KDM6A: variants seen among roughly 807,000 people sequenced by gnomAD.
KDM6A encodes lysine-specific demethylase 6A.
A neutral mutation model predicts 117.6 loss-of-function variants in KDM6A; 11 were observed. The ratio of observed to expected loss-of-function variants is 0.09; its 90% CI spans 0.06 to 0.15. KDM6A has a LOEUF of 0.15. Ranked by LOEUF, KDM6A falls within the 10% of genes least tolerant of loss-of-function variation. The pLI, the probability that KDM6A is intolerant of heterozygous loss-of-function variation, is 1.00. For synonymous variants in KDM6A, 384 were observed against 396.1 expected (o/e 0.97, Z 0.36); for missense variants, 799 against 1,077.3 (o/e 0.74, Z 3.62).
intron 2 of KDM6A, among the ~76,000 whole-genome samples, chrX:44,920,258 A>G (rs905482351): frequency 1.8e-5 from 2 of 110,614 alleles, no homozygotes; most frequent in African/African-American, 6.6e-5. Context: ...TTTCAAACTC[A>G]TTTATTAGGT....
rs201220623 is a variant in KDM6A, at chrX:44,873,631, C to T, written c.80C>T (p.Ala27Val). The T allele has an allele frequency of 8.3e-7, 1 of 1,198,068 alleles. No individual in the cohort carries two copies. Among genetic ancestry groups the T allele is most frequent in the Non-Finnish European group, 1.1e-6 (1 of 889,004 alleles). Residue 27 changes from alanine (A) to valine (V), a missense_variant, in exon 1 of 30, where the codon GCG becomes GTG. Physicochemically the swap from Ala to Val is moderately conservative, Grantham distance 64. Coordinates refer to ENST00000611820, the MANE Select transcript of KDM6A (RefSeq NM_001291415.2). ...GGTGATGAGGAAAAGAAAATGGCGG[C>T]GGGAAAAGCGAGCGGCGAGAGCGAG... ...AFGDEEKKMA[A>V]GKASGESEEA...
chrX:45,083,828 G>A (rs2045527132), intron 24 of KDM6A, among the ~76,000 whole-genome samples: 1 of 111,292 alleles, frequency 9.0e-6, no homozygotes, highest in Admixed American at 9.6e-5. Flanking sequence ...AATCTGGAAA[G>A]GGGTCATTGG....
intron 9 of KDM6A, among the ~76,000 whole-genome samples, chrX:45,052,199 G>A (rs780028747): frequency 1.8e-4 from 20 of 112,109 alleles, no homozygotes; most frequent in Admixed American, 5.7e-4. Flanking sequence ...ACTGTAGAAC[G>A]TCTAACACTG....
chrX:44,952,500 T>C (rs1399276060), intron 2 of KDM6A, among the ~76,000 whole-genome samples: 1 of 110,766 alleles, frequency 9.0e-6, no homozygotes, highest in Non-Finnish European at 1.9e-5. Context: ...CTCAAACTCC[T>C]GACCTCAGGT....
At chrX:44,920,602 C>G (rs2035864416) in intron 2 of KDM6A, among the ~76,000 whole-genome samples, 1 of 109,031 alleles carries the variant, frequency 9.2e-6, no homozygotes, top group Admixed American at 9.8e-5. Context: ...CCACGCCTGG[C>G]TAATTTTTTG....
intron 2 of KDM6A, among the ~76,000 whole-genome samples, chrX:44,887,551 C>T (rs2032992546): frequency 9.0e-6 from 1 of 111,208 alleles, no homozygotes; most frequent in African/African-American, 3.3e-5. Context: ...TCCGTGGCCA[C>T]ATCACATATT....
At chrX:44,984,098 C>T (rs1267790107) in intron 4 of KDM6A, among the ~76,000 whole-genome samples, 3 of 110,258 alleles carry the variant, frequency 2.7e-5, no homozygotes, top group Non-Finnish European at 5.7e-5. Flanking sequence ...TTAATGATTG[C>T]CATTCTAACT....
chrX:44,986,622 G>A (rs1194500757), intron 4 of KDM6A, among the ~76,000 whole-genome samples: 1 of 111,430 alleles, frequency 9.0e-6, no homozygotes, highest in Non-Finnish European at 1.9e-5. Flanking sequence ...CTTTGTTCTT[G>A]TTGGTTTCAA....
chrX:45,061,286 A>G (rs1283866551), intron 14 of KDM6A, 38 bp from the exon 15 acceptor site: 2 of 841,550 alleles, frequency 2.4e-6, no homozygotes, highest in Admixed American at 4.8e-5. Flanking sequence ...ATTTAACCAA[A>G]TATTCTTTAA....
At chrX:45,020,865 T>C in intron 6 of KDM6A, 135 bp downstream of exon 6, 2 of 672,208 alleles carry the variant, frequency 3.0e-6, no homozygotes, top group South Asian at 5.2e-5. Context: ...AAAATTCAGG[T>C]GACAGAACTG....
chrX:44,966,125 T>C (rs2038997058), intron 3 of KDM6A, among the ~76,000 whole-genome samples: 1 of 108,145 alleles, frequency 9.2e-6, no homozygotes, highest in Non-Finnish European at 1.9e-5. Flanking sequence ...ATTTTTCACA[T>C]ATATATATAT....
At chrX:44,908,413 T>C (rs1201267224) in intron 2 of KDM6A, among the ~76,000 whole-genome samples, 2 of 111,528 alleles carry the variant, frequency 1.8e-5, no homozygotes, top group Non-Finnish European at 3.8e-5. Context: ...TCAGTTGTGA[T>C]GACTCATGGC....
chrX:45,013,693 T>C (rs1302616407), intron 5 of KDM6A, among the ~76,000 whole-genome samples: 1 of 112,293 alleles, frequency 8.9e-6, no homozygotes, highest in Non-Finnish European at 1.9e-5. Context: ...TCAATTCTTA[T>C]AGCTGCTTCC....
Position 44,971,038 on chromosome X carries a change from A to T in KDM6A, c.335-3628A>T, listed in dbSNP as rs189504151. 2.7e-5 allele frequency among the ~76,000 whole-genome samples: 3 copies of T among 111,740 alleles called. No individual in the cohort carries two copies. The East Asian group carries it at 8.4e-4, about 31-fold the overall frequency. On this transcript the variant is annotated intron_variant, in intron 3 of 29. Transcript: ENST00000611820. Reference sequence around the variant, plus strand: ...TCACCGAGATTGCCAGGAAACTGATAACCTTTTCAAATCAATAACGGGGAT... The same window carrying T: ...TCACCGAGATTGCCAGGAAACTGATTACCTTTTCAAATCAATAACGGGGAT...
rs377182219 is a variant in KDM6A, at chrX:45,079,394, TG to T, written c.3300+44del. On this transcript the variant is annotated intron_variant, in intron 21 of 29. Coordinates refer to ENST00000611820, the MANE Select transcript of KDM6A (RefSeq NM_001291415.2). Reference sequence around the variant, plus strand: ...AAAGATTATTTTAGGATTTTAAAGATGATTTTACTTTGGAGTTTTGAAAGGA... The same window carrying T: ...AAAGATTATTTTAGGATTTTAAAGATATTTTACTTTGGAGTTTTGAAAGGA... 2.3e-4 allele frequency: 227 copies of T among 1,001,142 alleles called. No individual in the cohort carries two copies. In the African/African-American group the frequency reaches 3.6e-3, roughly 16 times the overall value. 82.5% of individuals were successfully genotyped at this position (1,001,142 alleles called of 1,213,427 possible). A position where few individuals can be genotyped will look rare whatever the true frequency, so the allele number is the denominator to read the frequency against.
At chrX:44,933,340 T>C (rs1352766469) in intron 2 of KDM6A, among the ~76,000 whole-genome samples, 2 of 93,332 alleles carry the variant, frequency 2.1e-5, no homozygotes, top group Admixed American at 2.7e-4. Flanking sequence ...TGATCTCGGC[T>C]CACTGCAACC....
intron 2 of KDM6A, among the ~76,000 whole-genome samples, chrX:44,882,359 A>G (rs1211423489): frequency 8.9e-6 from 1 of 112,100 alleles, no homozygotes; most frequent in Non-Finnish European, 1.9e-5. Context: ...CAGTCACAGC[A>G]TTTAATCCAT....
At chrX:45,040,456 C>T (rs767883405) in intron 8 of KDM6A, among the ~76,000 whole-genome samples, 8 of 86,873 alleles carry the variant, frequency 9.2e-5, no homozygotes, top group Admixed American at 1.1e-4. Flanking sequence ...GCTGACCCCC[C>T]CCACCTCCCT....
intron 4 of KDM6A, among the ~76,000 whole-genome samples, chrX:44,980,268 A>T (rs1211743724): frequency 9.0e-6 from 1 of 111,408 alleles, no homozygotes; most frequent in Admixed American, 9.5e-5. Context: ...TGCTGGGATT[A>T]TAGGCATGAG....
Sources: gnomAD v4.1 joint callset for allele counts (sites outside exome capture counted in the v4.1 genomes callset) on GRCh38, gnomAD v4.1.1 for gene constraint, MANE v1.5 for transcripts, NCBI Gene and HGNC (gene_info 2026-07-23, HGNC 2026-07-21) for gene names.